Variants in HOMER2 observed in about 807,000 individuals in gnomAD.
HOMER2 encodes homer protein homolog 2.
In HOMER2, 27 loss-of-function variants were observed where a neutral mutation model predicts 47.0. The observed-to-expected ratio is 0.57, with a 90% CI of 0.42 to 0.79. The LOEUF (loss-of-function observed/expected upper bound fraction) is 0.79, where lower values mean the gene tolerates loss of function less well. Among genes scored for constraint, HOMER2 ranks in the 30% least tolerant of loss-of-function variants. The probability of loss-of-function intolerance (pLI) is 0.00; values close to 1 mark genes in which losing one functional copy is unlikely to be tolerated. For missense variants in HOMER2, 443 were observed against 435.0 expected (o/e 1.02, Z -0.16); for synonymous variants, 161 against 163.8 (o/e 0.98, Z 0.13).
intron 5 of HOMER2, among the ~76,000 whole-genome samples, chr15:82,858,420 G>C (rs528291323): frequency 2.6e-5 from 4 of 152,206 alleles, no homozygotes; most frequent in Non-Finnish European, 5.9e-5. Flanking sequence ...AGCCACCAGA[G>C]TAGCTGGGAC....
chr15:82,930,421 G>T (rs547155411), intron 1 of HOMER2, among the ~76,000 whole-genome samples: 2 of 152,344 alleles, frequency 1.3e-5, no homozygotes, highest in African/African-American at 4.8e-5. Context: ...AGAGGTAAGC[G>T]TCCGGTGCAA....
At chr15:82,851,361 T>A in intron 7 of HOMER2, 130 bp from the exon 8 acceptor site, 2 of 659,634 alleles carry the variant, frequency 3.0e-6, no homozygotes, top group South Asian at 3.6e-5. Flanking sequence ...ACAGTGATAG[T>A]GACCATGCGA....
Position 82,851,221 on chromosome 15 carries a change from T to C in HOMER2, c.773A>G (p.Asp258Gly), listed in dbSNP as rs772542303. The C allele has an allele frequency of 3.8e-6, 6 of 1,559,926 alleles. No individual in the cohort carries two copies. The East Asian group carries it at 1.2e-4, about 31-fold the overall frequency. ...ELREKETELK[D>G]LRKQSEIIPQ... ...TATGATTTCACTTTGTTTTCGGAGATCTTTCAGCTCCTACATGAAAAAAAT... is the reference window on the plus strand; with the variant it reads ...TATGATTTCACTTTGTTTTCGGAGACCTTTCAGCTCCTACATGAAAAAAAT... The change falls in exon 8 of 9, where the codon GAT becomes GGT. Residue 258 changes from aspartate to glycine, a missense_variant. By Grantham distance (94) the Asp-to-Gly change is moderately conservative. Coordinates refer to ENST00000450735, the MANE Select transcript of HOMER2 (RefSeq NM_004839.4).
intron 1 of HOMER2, among the ~76,000 whole-genome samples, chr15:82,919,895 G>T (rs931573090): frequency 3.3e-5 from 5 of 152,180 alleles, no homozygotes; most frequent in Admixed American, 1.3e-4. Context: ...TTTGAAACAT[G>T]ACATGCTTGT....
chr15:82,835,133 G>GTT (rs35205699), downstream of HOMER2: 46,003 of 147,672 alleles, frequency 0.31, 8,055 homozygotes, highest in Non-Finnish European at 0.4. Context: ...CAGTTTTTTT[G>GTT]TTTTTTTTTT....
chr15:82,862,736 T>C (rs1432084008), intron 4 of HOMER2, among the ~76,000 whole-genome samples: 1 of 152,162 alleles, frequency 6.6e-6, no homozygotes, highest in Non-Finnish European at 1.5e-5. Context: ...TGCATTTCCA[T>C]AGGTCCATGT....
rs1333455704 is a variant in HOMER2 at position 82,952,580 on chromosome 15, T to C, written c.-45A>G. On this transcript the variant is annotated 5_prime_UTR_variant, in exon 1 of 9. Transcript: ENST00000450735. ...GCCGCTCCGACGGGGCCTCTCGCGC[T>C]CGCTCTCCGCCCGCTCGGCAGCCGC... is the stretch of plus-strand genomic sequence containing the variant. 1 of 1,155,838 alleles carries C rather than the reference T, an allele frequency of 8.7e-7. No individual in the cohort carries two copies. Among genetic ancestry groups the C allele is most frequent in the African/African-American group, 1.6e-5 (1 of 61,520 alleles). 71.6% of individuals were successfully genotyped at this position (1,155,838 alleles called of 1,614,324 possible).
At chr15:82,904,677 T>C (rs1600568) in intron 1 of HOMER2, among the ~76,000 whole-genome samples, 144,213 of 152,248 alleles carry the variant, frequency 0.95, 68,368 homozygotes, top group East Asian at 0.99. Context: ...CCTGTCCTAC[T>C]TAAGCGGAGA....
At chr15:82,897,413 T>C (rs947369452) in intron 1 of HOMER2, among the ~76,000 whole-genome samples, 3 of 152,164 alleles carry the variant, frequency 2.0e-5, no homozygotes, top group African/African-American at 7.2e-5. Flanking sequence ...TCAGCCATTA[T>C]GTTATTCTCT....
intron 1 of HOMER2, among the ~76,000 whole-genome samples, chr15:82,921,296 C>A (rs551002147): frequency 1.3e-5 from 2 of 152,060 alleles, no homozygotes; most frequent in Non-Finnish European, 2.9e-5. Flanking sequence ...TCAAAAAAAA[C>A]AGGTTTTCCC....
chr15:82,934,280 G>A (rs566674471), intron 1 of HOMER2, among the ~76,000 whole-genome samples: 1 of 152,060 alleles, frequency 6.6e-6, no homozygotes, highest in South Asian at 2.1e-4. Context: ...CCCACCAAGG[G>A]CTTCAGCTCC....
chr15:82,951,895 G>A (rs1467108508), intron 1 of HOMER2: 3 of 227,514 alleles, frequency 1.3e-5, no homozygotes, highest in Non-Finnish European at 2.2e-5. Flanking sequence ...TCAGAGAGAC[G>A]CCGAGGGGAA....
At position 82,892,718 on chromosome 15, in the gene HOMER2, G is replaced by A; in HGVS notation, c.129C>T (p.Asn43=). The change falls in exon 2 of 9, where the codon AAC becomes AAT. Residue 43 remains asparagine, a synonymous_variant. Transcript: ENST00000450735. ...TVSYFYDVTR[N]SYRIISVDGA... ...CGTCCACACTGATGATCCGATAGCT[G>A]TTCCTTGTGACATCATAGAAGTAGG... The A allele has an allele frequency of 6.2e-7, 1 of 1,602,222 alleles. No homozygotes were observed. Among genetic ancestry groups the A allele is most frequent in the Non-Finnish European group, 8.5e-7 (1 of 1,171,672 alleles).
intron 1 of HOMER2, among the ~76,000 whole-genome samples, chr15:82,896,313 G>A (rs183763453): frequency 1.0e-3 from 152 of 152,300 alleles, no homozygotes; most frequent in African/African-American, 3.5e-3. Flanking sequence ...ACAGGGAGCC[G>A]AGAAGATGGC....
intron 4 of HOMER2, among the ~76,000 whole-genome samples, chr15:82,862,578 CCA>C (rs2051829763): frequency 6.6e-6 from 1 of 152,100 alleles, no homozygotes; most frequent in Non-Finnish European, 1.5e-5. Context: ...ACTTTCTAGA[CCA>C]TGGACAATTT....
intron 1 of HOMER2, among the ~76,000 whole-genome samples, chr15:82,985,280 T>C (rs1002259289): frequency 7.9e-5 from 12 of 151,906 alleles, no homozygotes; most frequent in African/African-American, 2.9e-4. Flanking sequence ...CAGAGAGCCA[T>C]TGGATCAGCT....
intron 1 of HOMER2, among the ~76,000 whole-genome samples, chr15:82,969,232 C>T (rs1217015977): frequency 6.6e-6 from 1 of 152,172 alleles, no homozygotes; most frequent in African/African-American, 2.4e-5. Context: ...GGCGAAACTG[C>T]CATGATGTTT....
chr15:82,938,743 T>C (rs1298076152), intron 1 of HOMER2, among the ~76,000 whole-genome samples: 2 of 152,230 alleles, frequency 1.3e-5, no homozygotes, highest in Non-Finnish European at 2.9e-5. Context: ...CACATTTGGC[T>C]GAGGCTGCTC....
At chr15:82,944,902 G>A (rs2054342039) in intron 1 of HOMER2, among the ~76,000 whole-genome samples, 1 of 152,118 alleles carries the variant, frequency 6.6e-6, no homozygotes. Context: ...GGGGGCCTTC[G>A]AGGTATGGGC....
Sources: allele counts gnomAD v4.1 joint callset (sites outside exome capture counted in the v4.1 genomes callset), GRCh38; gene constraint gnomAD v4.1.1; transcripts MANE v1.5; gene names NCBI Gene and HGNC (gene_info 2026-07-23, HGNC 2026-07-21).